Variants in CHSY3 observed in about 807,000 individuals in gnomAD.
CHSY3 encodes chondroitin sulfate synthase 3.
Under a neutral mutation model 67.2 loss-of-function variants are expected in CHSY3, and 35 were observed. The observed-to-expected ratio is 0.52, with a 90% CI of 0.40 to 0.69. The LOEUF (loss-of-function observed/expected upper bound fraction) is 0.69. Among genes scored for constraint, CHSY3 ranks in the 30% least tolerant of loss-of-function variants. CHSY3 has a pLI of 0.00. For synonymous variants in CHSY3, 474 were observed against 434.7 expected, an observed-to-expected ratio of 1.09 and a Z score of -1.12; for missense variants, 1,069 against 1,138.5, an observed-to-expected ratio of 0.94 and a Z score of 0.88.
chr5:130,167,390 G>C (rs959929243), intron 2 of CHSY3, among the ~76,000 whole-genome samples: 1 of 152,076 alleles, frequency 6.6e-6, no homozygotes, highest in African/African-American at 2.4e-5. Flanking sequence ...ATAGTACCTT[G>C]AGAAAGCCAT....
At chr5:129,942,632 G>A (rs780947446) in intron 2 of CHSY3, among the ~76,000 whole-genome samples, 8 of 151,986 alleles carry the variant, frequency 5.3e-5, no homozygotes, top group Non-Finnish European at 7.4e-5. Flanking sequence ...TTTTATCTCC[G>A]TTTTATAGAT....
At chr5:129,996,219 A>T (rs1180909919) in intron 2 of CHSY3, among the ~76,000 whole-genome samples, 1 of 152,110 alleles carries the variant, frequency 6.6e-6, no homozygotes, top group East Asian at 1.9e-4. Context: ...TTTTGTTATT[A>T]TTACTTTAGG....
intron 2 of CHSY3, among the ~76,000 whole-genome samples, chr5:130,111,988 G>C (rs1005378073): frequency 6.6e-6 from 1 of 152,086 alleles, no homozygotes; most frequent in East Asian, 1.9e-4. Flanking sequence ...TTACAGAAAA[G>C]AATTGGATTA....
intron 2 of CHSY3, among the ~76,000 whole-genome samples, chr5:130,014,940 A>G (rs1226816921): frequency 6.6e-6 from 1 of 152,202 alleles, no homozygotes; most frequent in African/African-American, 2.4e-5. Context: ...ACGGGAGAAA[A>G]TAATTTGCAA....
intron 2 of CHSY3, among the ~76,000 whole-genome samples, chr5:130,021,155 G>A (rs1764378154): frequency 6.6e-6 from 1 of 152,110 alleles, no homozygotes; most frequent in Admixed American, 6.6e-5. Flanking sequence ...AAGATGATGG[G>A]TTTGGTCACC....
In CHSY3 at chr5:130,022,918, A is replaced by G. The variant is rs574123982; in HGVS notation, c.1086+114558A>G. Among the ~76,000 whole-genome samples the G allele has an allele frequency of 3.9e-5, 6 of 152,084 alleles. No homozygotes were observed. In the South Asian group the frequency reaches 1.2e-3, roughly 32 times the overall value. ...GTAAAATGTGAAATTTAATTCACCTAAAATTCGGAGTATAAAAATATGCCC... is the reference window on the plus strand; with the variant it reads ...GTAAAATGTGAAATTTAATTCACCTGAAATTCGGAGTATAAAAATATGCCC... On this transcript the variant is annotated intron_variant, in intron 2 of 2. Coordinates refer to ENST00000305031, the MANE Select transcript of CHSY3 (RefSeq NM_175856.5).
chr5:130,109,864 T>C (rs1405103004), intron 2 of CHSY3, among the ~76,000 whole-genome samples: 4 of 151,840 alleles, frequency 2.6e-5, no homozygotes, highest in African/African-American at 9.7e-5. Flanking sequence ...TCATCTTGTT[T>C]AAACCAAAAG....
rs758023976 is a variant in CHSY3 at position 130,133,771 on chromosome 5, TAAAAAA to T, written c.1087-50439_1087-50434del. On this transcript the variant is annotated intron_variant, in intron 2 of 2. Coordinates refer to ENST00000305031, the MANE Select transcript of CHSY3 (RefSeq NM_175856.5). ...TGGGCGACAGTGTGAGACTCCGTCT[TAAAAAA>T]AAAAAAAAAAAAAAAAAAGAAAAAA... Among the ~76,000 whole-genome samples, 135 of 58,104 alleles carry T rather than the reference TAAAAAA, an allele frequency of 2.3e-3. 1 individual carries two copies. The highest frequency in any genetic ancestry group is 8.5e-3 in the African/African-American group (112 of 13,118). The allele number at this position is 58,104 out of a possible 152,430, so 38.1% of individuals were successfully genotyped here. A position where few individuals can be genotyped will look rare whatever the true frequency, so the allele number is the denominator to read the frequency against.
intron 2 of CHSY3, among the ~76,000 whole-genome samples, chr5:129,956,812 C>A (rs78617058): frequency 0.023 from 3,512 of 151,870 alleles, 122 homozygotes; most frequent in African/African-American, 0.08. Flanking sequence ...TATTCTGTTT[C>A]ATTGGTCTAT....
At chr5:129,907,258 G>A (rs1450180161) in intron 1 of CHSY3, among the ~76,000 whole-genome samples, 2 of 152,164 alleles carry the variant, frequency 1.3e-5, no homozygotes, top group African/African-American at 4.8e-5. Flanking sequence ...AGAATGAAAT[G>A]TGTTTTGAAT....
At position 130,184,453 on chromosome 5, in the gene CHSY3, A is replaced by G. The variant is rs1360231629; in HGVS notation, c.1311A>G (p.Thr437=). 2.5e-6 allele frequency: 4 copies of G among 1,613,332 alleles called. No individual in the cohort carries two copies. The highest frequency in any genetic ancestry group is 3.4e-6 in the Non-Finnish European group (4 of 1,179,388). Residue 437 remains threonine, a synonymous_variant, in exon 3 of 3, where the codon ACA becomes ACG. Coordinates refer to ENST00000305031, the MANE Select transcript of CHSY3 (RefSeq NM_175856.5). ...ESALMSKLSN[T]EVSKEDQQLG... ...CCCTGATGAGCAAGCTCAGTAACACAGAAGTGAGCAAAGAGGACCAGCAGC... is the reference window on the plus strand; with the variant it reads ...CCCTGATGAGCAAGCTCAGTAACACGGAAGTGAGCAAAGAGGACCAGCAGC...
intron 2 of CHSY3, among the ~76,000 whole-genome samples, chr5:130,096,180 A>G (rs182264659): frequency 9.9e-5 from 15 of 152,232 alleles, no homozygotes; most frequent in African/African-American, 2.6e-4. Context: ...ATATATATAT[A>G]TATGTATTTT....
rs190201005 is a variant in CHSY3, at chr5:129,947,481, G to T, written c.1086+39121G>T. 3.9e-5 allele frequency among the ~76,000 whole-genome samples: 6 copies of T among 151,910 alleles called. No homozygotes were observed. The East Asian group carries it at 1.2e-3, about 29-fold the overall frequency. ...CTACTAAAAATACAAAAATTAGCCG[G>T]GTTTGGTGGCGCATACCTCTAATCC... On this transcript the variant is annotated intron_variant, in intron 2 of 2. Coordinates refer to ENST00000305031, the MANE Select transcript of CHSY3 (RefSeq NM_175856.5).
intron 2 of CHSY3, among the ~76,000 whole-genome samples, chr5:129,946,267 T>G (rs1188628445): frequency 6.6e-6 from 1 of 152,170 alleles, no homozygotes; most frequent in Non-Finnish European, 1.5e-5. Context: ...AAGAATACTT[T>G]TAAGGTCAGA....
intron 2 of CHSY3, among the ~76,000 whole-genome samples, chr5:129,986,944 C>CA (rs1254358004): frequency 6.6e-6 from 1 of 152,108 alleles, no homozygotes; most frequent in Non-Finnish European, 1.5e-5. Context: ...TGTCCAGCCA[C>CA]AAGTTTTCTT....
chr5:130,159,161 C>CTTTTTTTTTTTTTTTT, intron 2 of CHSY3, among the ~76,000 whole-genome samples: 1 of 98,706 alleles, frequency 1.0e-5, no homozygotes, highest in Non-Finnish European at 2.0e-5. Flanking sequence ...TAAGATTTGT[C>CTTTTTTTTTTTTTTTT]TTTTTTTTTT....
At chr5:129,953,686 A>G (rs1762090073) in intron 2 of CHSY3, among the ~76,000 whole-genome samples, 1 of 152,126 alleles carries the variant, frequency 6.6e-6, no homozygotes, top group African/African-American at 2.4e-5. Flanking sequence ...CTGGTATGAG[A>G]TGGTACCTCA....
intron 2 of CHSY3, among the ~76,000 whole-genome samples, chr5:130,057,446 C>A (rs1300099076): frequency 6.6e-6 from 1 of 151,998 alleles, no homozygotes; most frequent in Non-Finnish European, 1.5e-5. Context: ...AAATATATTT[C>A]TTTCCTTTGT....
intron 2 of CHSY3, among the ~76,000 whole-genome samples, chr5:130,067,821 C>T (rs921192167): frequency 6.6e-6 from 1 of 152,050 alleles, no homozygotes. Flanking sequence ...ATATTTTATT[C>T]GTCTCTGGGT....
Sources: allele counts gnomAD v4.1 joint callset (sites outside exome capture counted in the v4.1 genomes callset), GRCh38; gene constraint gnomAD v4.1.1; transcripts MANE v1.5; gene names NCBI Gene and HGNC (gene_info 2026-07-23, HGNC 2026-07-21).